ABCE1: variants seen among roughly 807,000 people sequenced by gnomAD.
The protein encoded by ABCE1 is ATP binding cassette subfamily E member 1, also known as ATP-binding cassette sub-family E member 1.
ABCE1 carries 22 observed loss-of-function variants against 83.4 expected under a neutral mutation model. The ratio of observed to expected loss-of-function variants is 0.26; its 90% CI spans 0.19 to 0.38. ABCE1 has a LOEUF of 0.38. Ranked by LOEUF, ABCE1 falls within the 10% of genes least tolerant of loss-of-function variation. ABCE1 has a pLI of 1.00. For synonymous variants in ABCE1, 204 were observed against 233.7 expected, an observed-to-expected ratio of 0.87 and a Z score of 1.16; for missense variants, 330 against 721.9, an observed-to-expected ratio of 0.46 and a Z score of 6.22.
intron 13 of ABCE1, chr4:145,122,295 A>G (rs1235891342): frequency 2.0e-5 from 3 of 152,206 alleles, no homozygotes; most frequent in East Asian, 3.8e-4. Flanking sequence ...TTTAAATTCT[A>G]AAATTCAGCC....
In ABCE1 at chr4:145,120,242, T is replaced by C. The variant is rs181328576; in HGVS notation, c.1144+89T>C. 4.4e-6 allele frequency: 5 copies of C among 1,124,718 alleles called. No homozygotes were observed. The Admixed American group carries it at 1.0e-4, about 23-fold the overall frequency. The allele number at this position is 1,124,718 out of a possible 1,614,324, so 69.7% of individuals were successfully genotyped here. A position where few individuals can be genotyped will look rare whatever the true frequency, so the allele number is the denominator to read the frequency against. On this transcript the variant is annotated intron_variant, in intron 11 of 17. Transcript: ENST00000296577. The stretch of plus-strand genomic sequence containing the variant: ...GTTTTGTGGAAAAATTTGAATCATA[T>C]GTTATAGGGCTAGAAGCAGAGTTTT...
At position 145,121,161 on chromosome 4, in the gene ABCE1, G is replaced by A. The variant is rs1749733650; in HGVS notation, c.1145-13G>A. 6.2e-7 allele frequency: 1 copy of A among 1,612,728 alleles called. No homozygotes were observed. The highest frequency in any genetic ancestry group is 8.5e-7 in the Non-Finnish European group (1 of 1,179,786). ...CATCTTTCAGATCAAACTGTCATATGTTGTGTTGCCAGGAACGGGTAAAAC... is the reference window on the plus strand; with the variant it reads ...CATCTTTCAGATCAAACTGTCATATATTGTGTTGCCAGGAACGGGTAAAAC... On this transcript the variant is annotated splice_polypyrimidine_tract_variant and intron_variant, in intron 11 of 17. Transcript: ENST00000296577.
At chr4:145,104,310 T>A (rs1271832878) in intron 1 of ABCE1, 76 bp from the exon 2 acceptor site, 10 of 534,326 alleles carry the variant, frequency 1.9e-5, no homozygotes, top group Non-Finnish European at 3.2e-5. Context: ...TGATCATTTA[T>A]GTTTTCCTGT....
intron 6 of ABCE1, 29 bp downstream of exon 6, chr4:145,110,269 G>T (rs752957708): frequency 6.3e-7 from 1 of 1,597,668 alleles, no homozygotes; most frequent in Non-Finnish European, 8.5e-7. Context: ...GAACTTAACG[G>T]ATATTAGTAG....
intron 13 of ABCE1, chr4:145,121,837 A>G (rs779429603): frequency 1.3e-5 from 2 of 152,782 alleles, no homozygotes; most frequent in Non-Finnish European, 2.9e-5. Flanking sequence ...GCATCACTAC[A>G]CTCTAGCCTG....
intron 10 of ABCE1, among the ~76,000 whole-genome samples, chr4:145,119,189 A>G (rs1422476864): frequency 6.6e-6 from 1 of 151,920 alleles, no homozygotes; most frequent in Non-Finnish European, 1.5e-5. Context: ...AATAAAATGA[A>G]TAACGTCAAG....
Position 145,123,280 on chromosome 4 carries a change from T to A in ABCE1, c.1440T>A (p.Ala480=), listed in dbSNP as rs1749791790. The A allele has an allele frequency of 1.9e-6, 3 of 1,612,928 alleles. No homozygotes were observed. Among genetic ancestry groups the A allele is most frequent in the Non-Finnish European group, 2.5e-6 (3 of 1,179,626 alleles). Residue 480 remains alanine (A), a synonymous_variant, in exon 15 of 18, where the codon GCT becomes GCA. Coordinates refer to ENST00000296577, the MANE Select transcript of ABCE1 (RefSeq NM_002940.3). ...TAGCCCTTTGCTTGGGCAAACCTGC[T>A]GATGTCTATTTAATTGATGAACCAT... ...VALALCLGKP[A]DVYLIDEPSA...
chr4:145,114,256 ATGTGGTAAAGAAAAATACACAC>A (rs1749555113), intron 9 of ABCE1, among the ~76,000 whole-genome samples: 3 of 152,132 alleles, frequency 2.0e-5, no homozygotes, highest in South Asian at 4.1e-4. Flanking sequence ...GGACTTCACA[ATGTGGTAAAGAAAAATACACAC>A]TGTGGTAAAG....
intron 10 of ABCE1, among the ~76,000 whole-genome samples, chr4:145,119,158 A>G (rs1749678104): frequency 6.6e-6 from 1 of 151,964 alleles, no homozygotes; most frequent in South Asian, 2.1e-4. Context: ...TACAGGCTGC[A>G]TGATGTGTCT....
intron 9 of ABCE1, among the ~76,000 whole-genome samples, chr4:145,112,784 T>C (rs1004828534): frequency 6.6e-5 from 10 of 152,212 alleles, no homozygotes; most frequent in African/African-American, 2.2e-4. Flanking sequence ...AGGGTGCTTT[T>C]GTGGTTTGTA....
intron 9 of ABCE1, among the ~76,000 whole-genome samples, chr4:145,113,199 A>AT (rs912559023): frequency 4.0e-4 from 61 of 152,318 alleles, no homozygotes; most frequent in African/African-American, 1.4e-3. Flanking sequence ...ATTTTCACAC[A>AT]TAAAGTGCCA....
rs1173715038 is a variant in ABCE1, at chr4:145,104,385, G to A, written c.-27-1G>A. On this transcript the variant is annotated splice_acceptor_variant, in intron 1 of 17. Transcript: ENST00000296577. LOFTEE classifies it low-confidence loss of function (5UTR_SPLICE). ...TAAATTTGTTGATTTTTCTTTCATA[G>A]AAGAGCTGGATATTCTTTCGCCCAG... The A allele has an allele frequency of 1.4e-6, 2 of 1,480,968 alleles. No individual in the cohort carries two copies. Among genetic ancestry groups the A allele is most frequent in the Non-Finnish European group, 9.2e-7 (1 of 1,082,304 alleles). The allele number at this position is 1,480,968 out of a possible 1,614,324, so 91.7% of individuals were successfully genotyped here.
rs1207949370 is a variant in ABCE1 at position 145,127,969 on chromosome 4, T to TA, written c.*398dup. ...ACCTGGTTTGCCAAGTATGCCAGTG[T>TA]AATGAAACTGCCCTTATTTTAAAAG... is the stretch of plus-strand genomic sequence containing the variant. On this transcript the variant is annotated 3_prime_UTR_variant, in exon 18 of 18. Transcript: ENST00000296577. 1.9e-5 allele frequency: 3 copies of TA among 155,330 alleles called. No homozygotes were observed. The highest frequency in any genetic ancestry group is 7.2e-5 in the African/African-American group (3 of 41,500). 9.6% of individuals were successfully genotyped at this position (155,330 alleles called of 1,614,324 possible). A position where few individuals can be genotyped will look rare whatever the true frequency, so the allele number is the denominator to read the frequency against.
Position 145,123,596 on chromosome 4 carries a change from A to G in ABCE1, c.1636A>G (p.Asn546Asp), listed in dbSNP as rs1749799101. 2.5e-6 allele frequency: 4 copies of G among 1,595,004 alleles called. No homozygotes were observed. Among genetic ancestry groups the G allele is most frequent in the Non-Finnish European group, 3.4e-6 (4 of 1,164,388 alleles). The change falls in exon 16 of 18, where the codon AAC becomes GAC. Residue 546 changes from asparagine to aspartate, a missense_variant. Coordinates refer to ENST00000296577, the MANE Select transcript of ABCE1 (RefSeq NM_002940.3). ...DGVPSKNTVANSPQTLLAGMN... is the reference protein window; with the variant it reads ...DGVPSKNTVADSPQTLLAGMN... ...TGTTCCATCTAAGAACACAGTTGCAAACAGGTAAAATTACTTTTTAATATG... is the reference window on the plus strand; with the variant it reads ...TGTTCCATCTAAGAACACAGTTGCAGACAGGTAAAATTACTTTTTAATATG...
intron 10 of ABCE1, among the ~76,000 whole-genome samples, chr4:145,117,945 T>C (rs1174974621): frequency 2.0e-5 from 3 of 151,792 alleles, no homozygotes; most frequent in Non-Finnish European, 3.0e-5. Flanking sequence ...CTCCCTTCCA[T>C]GTCTCCTCCT....
intron 17 of ABCE1, 95 bp from the exon 18 acceptor site, chr4:145,127,431 T>A (rs1378314): frequency 8.9e-7 from 1 of 1,122,836 alleles, no homozygotes; most frequent in Non-Finnish European, 1.3e-6. Flanking sequence ...AGGCACTGTT[T>A]TAAGCACAGC....
At chr4:145,109,467 A>G (rs1749401220) in intron 5 of ABCE1, among the ~76,000 whole-genome samples, 2 of 152,238 alleles carry the variant, frequency 1.3e-5, no homozygotes, top group Non-Finnish European at 2.9e-5. Context: ...GATCTGAAGC[A>G]GAATTCTGCT....
intron 9 of ABCE1, among the ~76,000 whole-genome samples, chr4:145,114,172 AGGCATTAAGAGCCT>A: frequency 6.6e-6 from 1 of 152,264 alleles, no homozygotes; most frequent in East Asian, 1.9e-4. Flanking sequence ...CTCCATACAC[AGGCATTAAGAGCCT>A]GGGCATTATG....
chr4:145,101,514 G>A (rs1418930754), intron 1 of ABCE1, among the ~76,000 whole-genome samples: 1 of 152,160 alleles, frequency 6.6e-6, no homozygotes, highest in African/African-American at 2.4e-5. Context: ...TCTTTAAAAG[G>A]CTTCCTATGG....
Sources: gnomAD v4.1 joint callset for allele counts (sites outside exome capture counted in the v4.1 genomes callset) on GRCh38, gnomAD v4.1.1 for gene constraint, MANE v1.5 for transcripts, NCBI Gene and HGNC (gene_info 2026-07-23, HGNC 2026-07-21) for gene names.